Variants in PPM1E observed in about 807,000 individuals in gnomAD.
The protein encoded by PPM1E is protein phosphatase, Mg2+/Mn2+ dependent 1E.
PPM1E carries 20 observed loss-of-function variants against 65.9 expected under a neutral mutation model. That is an observed-to-expected ratio of 0.30 (90% CI 0.21 to 0.44). PPM1E has a LOEUF of 0.44. PPM1E is among the 20% of genes least tolerant of loss of function. The probability of loss-of-function intolerance (pLI) is 1.00; values close to 1 mark genes in which losing one functional copy is unlikely to be tolerated. For synonymous variants in PPM1E, 352 were observed against 374.9 expected (o/e 0.94, Z 0.70); for missense variants, 713 against 953.1 (o/e 0.75, Z 3.32).
intron 3 of PPM1E, among the ~76,000 whole-genome samples, chr17:58,967,618 A>G (rs1005029896): frequency 1.3e-5 from 2 of 151,930 alleles, no homozygotes; most frequent in African/African-American, 2.4e-5. Context: ...ATTATCATAC[A>G]TTATTATAAT....
intron 2 of PPM1E, among the ~76,000 whole-genome samples, chr17:58,964,638 GAAC>G (rs901682090): frequency 4.6e-5 from 7 of 152,178 alleles, no homozygotes; most frequent in African/African-American, 1.4e-4. Flanking sequence ...CGCATAGACA[GAAC>G]TTAAGTAATT....
At chr17:58,824,773 ATT>A (rs35598764) in intron 1 of PPM1E, among the ~76,000 whole-genome samples, 313 of 132,414 alleles carry the variant, frequency 2.4e-3, no homozygotes, top group Middle Eastern at 7.6e-3. Context: ...TATTTTTTGT[ATT>A]TTTTTTTTTT....
At chr17:58,781,181 C>T (rs375076535) in intron 1 of PPM1E, among the ~76,000 whole-genome samples, 2 of 145,748 alleles carry the variant, frequency 1.4e-5, no homozygotes, top group African/African-American at 5.1e-5. Context: ...TTCTCTGTTG[C>T]CCAGGCTGGA....
At chr17:58,850,386 A>G (rs2050814596) in intron 1 of PPM1E, among the ~76,000 whole-genome samples, 5 of 152,098 alleles carry the variant, frequency 3.3e-5, no homozygotes, top group Admixed American at 3.3e-4. Flanking sequence ...GGTCTTTACA[A>G]TTTGGCATGT....
At chr17:58,871,435 G>A (rs550290111) in intron 1 of PPM1E, among the ~76,000 whole-genome samples, 1 of 152,212 alleles carries the variant, frequency 6.6e-6, no homozygotes, top group South Asian at 2.1e-4. Flanking sequence ...AGCCTAAGGT[G>A]CCTTTCAGTT....
intron 1 of PPM1E, among the ~76,000 whole-genome samples, chr17:58,786,303 C>T (rs1472613968): frequency 6.6e-6 from 1 of 152,166 alleles, no homozygotes; most frequent in Admixed American, 6.6e-5. Context: ...TGTGAGCCAT[C>T]GGGCCTGGCC....
rs201540770 is a variant in PPM1E, at chr17:58,877,559, TAGAA to T, written c.465-78086_465-78083del. Among the ~76,000 whole-genome samples the T allele has an allele frequency of 6.9e-3, 1,051 of 152,286 alleles. 16 individuals carry two copies. The highest frequency in any genetic ancestry group is 0.021 in the South Asian group (103 of 4,828). On this transcript the variant is annotated intron_variant, in intron 1 of 6. Coordinates refer to ENST00000308249, the MANE Select transcript of PPM1E (RefSeq NM_014906.5). ...TAGAATTTTTGATATATTTTTTCCA[TAGAA>T]AGAGTTATAAATGGTAGGTTCCTAG...
chr17:58,795,736 G>T (rs985504121), intron 1 of PPM1E, among the ~76,000 whole-genome samples: 12 of 152,148 alleles, frequency 7.9e-5, no homozygotes, highest in Non-Finnish European at 1.5e-4. Context: ...ATTCTGACTG[G>T]TGTGAGATGG....
At chr17:58,775,014 A>G (rs1381188875) in intron 1 of PPM1E, among the ~76,000 whole-genome samples, 3 of 152,058 alleles carry the variant, frequency 2.0e-5, no homozygotes, top group South Asian at 2.1e-4. Flanking sequence ...CACCAGGCCC[A>G]GCTAATTTTT....
intron 1 of PPM1E, among the ~76,000 whole-genome samples, chr17:58,792,241 CAATAATAATTATTATAGTAATAATAATT>C (rs1292609787): frequency 6.7e-6 from 1 of 148,500 alleles, no homozygotes; most frequent in Non-Finnish European, 1.5e-5. Context: ...TTGCCTTATA[CAATAATAATTATTATAGTAATAATAATT>C]ATTACTATAT....
chr17:58,980,388 A>G lies in PPM1E; in HGVS notation c.1625A>G (p.Tyr542Cys), dbSNP rs1383695213. 2 of 1,614,086 alleles carry G rather than the reference A, an allele frequency of 1.2e-6. No individual in the cohort carries two copies. Among genetic ancestry groups the G allele is most frequent in the African/African-American group, 2.7e-5 (2 of 74,936 alleles). Residue 542 changes from tyrosine to cysteine, a missense_variant, in exon 7 of 7, where the codon TAT becomes TGT. Tyr to Cys is a radical substitution (Grantham distance 194). This residue lies in a region of PPM1E where 286 missense variants were observed against 313.8 expected (regional missense o/e 0.91). Transcript: ENST00000308249. This position sits in a 1 kb window ranked among gnomAD's most constrained non-coding sequence, Gnocchi z 4.7. ...TGCTCAGCACCAGCCGACCTAGGCT[A>G]TGATGGGCGTGTGGATTCATTCACT... ...HQCSAPADLG[Y>C]DGRVDSFTDR...
At chr17:58,771,453 G>A (rs568979330) in intron 1 of PPM1E, among the ~76,000 whole-genome samples, 37 of 151,498 alleles carry the variant, frequency 2.4e-4, no homozygotes, top group African/African-American at 7.3e-4. Context: ...GTGAAACCCC[G>A]TCTCTACTAA....
intron 1 of PPM1E, among the ~76,000 whole-genome samples, chr17:58,868,899 G>A (rs562498330): frequency 6.6e-6 from 1 of 152,184 alleles, no homozygotes; most frequent in South Asian, 2.1e-4. Flanking sequence ...AGGCACTATG[G>A]CTCACATCTG....
At chr17:58,756,542 A>G (rs1328324478) in intron 1 of PPM1E, 81 bp downstream of exon 1, 1 of 1,239,918 alleles carries the variant, frequency 8.1e-7, no homozygotes, top group East Asian at 3.2e-5. Context: ...CGGCCCCTCA[A>G]ACTGCTCTCT....
intron 1 of PPM1E, among the ~76,000 whole-genome samples, chr17:58,828,053 T>A (rs2050560651): frequency 6.6e-6 from 1 of 150,810 alleles, no homozygotes; most frequent in Non-Finnish European, 1.5e-5. Context: ...ACCCCGTGTC[T>A]ACTAAAAATA....
chr17:58,932,661 A>G (rs2051917579), intron 1 of PPM1E, among the ~76,000 whole-genome samples: 2 of 152,198 alleles, frequency 1.3e-5, no homozygotes, highest in South Asian at 4.1e-4. Context: ...AGTTTTCTAG[A>G]AAAAAATAAG....
At chr17:58,821,342 C>G (rs571740235) in intron 1 of PPM1E, among the ~76,000 whole-genome samples, 46 of 152,300 alleles carry the variant, frequency 3.0e-4, no homozygotes, top group Admixed American at 2.2e-3. Context: ...GATCTCCTGA[C>G]CTTCTGATCC....
rs1417790494 is a variant in PPM1E at position 58,833,454 on chromosome 17, C to T, written c.464+76993C>T. Reference sequence around the variant, plus strand: ...TCCATGAGTACCCCATGTTTAGCTCCCACTTATAAGTGAGAACATGTGGTA... The same window carrying T: ...TCCATGAGTACCCCATGTTTAGCTCTCACTTATAAGTGAGAACATGTGGTA... On this transcript the variant is annotated intron_variant, in intron 1 of 6. Coordinates refer to ENST00000308249, the MANE Select transcript of PPM1E (RefSeq NM_014906.5). Among the ~76,000 whole-genome samples, 11 of 151,402 alleles carry T rather than the reference C, an allele frequency of 7.3e-5. No individual in the cohort carries two copies. The Admixed American group carries it at 7.3e-4, about 10-fold the overall frequency.
chr17:58,957,258 C>T (rs1361582479), intron 2 of PPM1E, among the ~76,000 whole-genome samples: 1 of 152,046 alleles, frequency 6.6e-6, no homozygotes, highest in Admixed American at 6.6e-5. Context: ...TTTTCCATTT[C>T]AAGCAGCAAT....
Sources: gnomAD v4.1 joint callset for allele counts (sites outside exome capture counted in the v4.1 genomes callset) on GRCh38, gnomAD v4.1.1 for gene constraint, gnomAD v4.1.1 regional missense constraint, Gnocchi (gnomAD v3.1) non-coding constraint, MANE v1.5 for transcripts, NCBI Gene and HGNC (gene_info 2026-07-23, HGNC 2026-07-21) for gene names.